Variants in ZNF804A observed in about 807,000 individuals in gnomAD.
The protein encoded by ZNF804A is zinc finger protein 804A.
In ZNF804A, 2 loss-of-function variants were observed where a neutral mutation model predicts 16.5. The observed-to-expected ratio is 0.12, with a 90% CI of 0.05 to 0.38. ZNF804A has a LOEUF of 0.38. Among genes scored for constraint, ZNF804A ranks in the 10% least tolerant of loss-of-function variants. The pLI is 0.99. For missense variants in ZNF804A, 1,473 were observed against 1,390.7 expected (o/e 1.06, Z -0.94); for synonymous variants, 534 against 489.6 (o/e 1.09, Z -1.20).
chr2:184,847,918 A>G (rs779343939), intron 1 of ZNF804A, among the ~76,000 whole-genome samples: 1 of 152,116 alleles, frequency 6.6e-6, no homozygotes, highest in Non-Finnish European at 1.5e-5. Context: ...AGAGATGCAC[A>G]GGGCAAAGTA....
chr2:184,684,522 T>C (rs754209035), intron 1 of ZNF804A, among the ~76,000 whole-genome samples: 110 of 152,202 alleles, frequency 7.2e-4, no homozygotes, highest in Non-Finnish European at 2.4e-4. Flanking sequence ...GAGAGAATAT[T>C]GTATATTTGC....
chr2:184,815,252 A>G (rs1278405517), intron 1 of ZNF804A, among the ~76,000 whole-genome samples: 1 of 151,936 alleles, frequency 6.6e-6, no homozygotes. Flanking sequence ...CTGTTAAAAA[A>G]AAACATAAAA....
At chr2:184,769,293 C>T (rs958117344) in intron 1 of ZNF804A, among the ~76,000 whole-genome samples, 8 of 151,964 alleles carry the variant, frequency 5.3e-5, no homozygotes, top group African/African-American at 1.9e-4. Context: ...AACAGGCTCC[C>T]GAGAACCTAC....
chr2:184,875,537 T>C lies in ZNF804A; in HGVS notation c.255+9025T>C, dbSNP rs562910504. On this transcript the variant is annotated intron_variant, in intron 2 of 3. Coordinates refer to ENST00000302277, the MANE Select transcript of ZNF804A (RefSeq NM_194250.2). ...AAGCAGATGCTGCCCTCATGTTTCT[T>C]GTACAGCCTGCAGAACTGTGAGCCA... Among the ~76,000 whole-genome samples the C allele has an allele frequency of 2.0e-5, 3 of 152,254 alleles. No individual in the cohort carries two copies. In the South Asian group the frequency reaches 6.2e-4, roughly 32 times the overall value.
At chr2:184,630,400 A>G (rs1691586766) in intron 1 of ZNF804A, among the ~76,000 whole-genome samples, 2 of 152,202 alleles carry the variant, frequency 1.3e-5, no homozygotes, top group African/African-American at 4.8e-5. Context: ...AATCTCAACT[A>G]AATCCTTCCT....
intron 1 of ZNF804A, among the ~76,000 whole-genome samples, chr2:184,851,837 G>C (rs1216731108): frequency 6.6e-6 from 1 of 151,608 alleles, no homozygotes; most frequent in African/African-American, 2.4e-5. Context: ...CTACATACTT[G>C]TCAACACTTG....
intron 2 of ZNF804A, among the ~76,000 whole-genome samples, chr2:184,891,652 G>A (rs1159336848): frequency 6.6e-6 from 1 of 152,082 alleles, no homozygotes; most frequent in Non-Finnish European, 1.5e-5. Flanking sequence ...TCAAAGCACA[G>A]TCCTATGTTC....
At chr2:184,867,011 A>G (rs535822846) in intron 2 of ZNF804A, among the ~76,000 whole-genome samples, 25 of 151,816 alleles carry the variant, frequency 1.6e-4, no homozygotes, top group Admixed American at 1.3e-3. Flanking sequence ...GTGTACTACA[A>G]ATGGTCCTAG....
At chr2:184,788,291 C>T (rs1694482978) in intron 1 of ZNF804A, among the ~76,000 whole-genome samples, 1 of 151,734 alleles carries the variant, frequency 6.6e-6, no homozygotes, top group Admixed American at 6.6e-5. Context: ...CAAATTTGTT[C>T]TTTTTGCTTT....
At chr2:184,612,438 T>C (rs1272379014) in intron 1 of ZNF804A, among the ~76,000 whole-genome samples, 1 of 150,104 alleles carries the variant, frequency 6.7e-6, no homozygotes, top group East Asian at 1.9e-4. Context: ...AGATGTAATT[T>C]TTTTTTTTTT....
At chr2:184,903,374 C>T (rs567373858) in intron 2 of ZNF804A, among the ~76,000 whole-genome samples, 30 of 152,178 alleles carry the variant, frequency 2.0e-4, no homozygotes, top group African/African-American at 6.3e-4. Context: ...TTTAAATACA[C>T]GTATACTTAC....
chr2:184,722,250 T>C (rs1438216573), intron 1 of ZNF804A, among the ~76,000 whole-genome samples: 1 of 152,068 alleles, frequency 6.6e-6, no homozygotes, highest in Admixed American at 6.6e-5. Flanking sequence ...ATTTAAGAGT[T>C]GCTTAGTAAT....
intron 1 of ZNF804A, among the ~76,000 whole-genome samples, chr2:184,638,123 C>T (rs536957168): frequency 1.3e-5 from 2 of 152,298 alleles, no homozygotes; most frequent in South Asian, 2.1e-4. Context: ...TCTGATCCTC[C>T]TCCTTGTGCA....
chr2:184,601,631 C>A (rs990512538), intron 1 of ZNF804A, among the ~76,000 whole-genome samples: 4 of 151,766 alleles, frequency 2.6e-5, no homozygotes, highest in South Asian at 2.1e-4. Context: ...ATTATGATAT[C>A]TTTCCAACTT....
At chr2:184,839,843 A>G (rs1558978253) in intron 1 of ZNF804A, among the ~76,000 whole-genome samples, 3 of 152,156 alleles carry the variant, frequency 2.0e-5, no homozygotes, top group African/African-American at 4.8e-5. Flanking sequence ...ATTAATTAAC[A>G]TTTATCAGTT....
rs186954404 is a variant in ZNF804A at position 184,608,437 on chromosome 2, C to A, written c.111+9367C>A. 1.6e-4 allele frequency among the ~76,000 whole-genome samples: 24 copies of A among 152,140 alleles called. No individual in the cohort carries two copies. The East Asian group carries it at 4.6e-3, about 29-fold the overall frequency. ...AAAGAGAAACAAAGTGGGGGTAGGG[C>A]TGTAATTGGTGGAAAAGCAGCTTTC... On this transcript the variant is annotated intron_variant, in intron 1 of 3. Coordinates refer to ENST00000302277, the MANE Select transcript of ZNF804A (RefSeq NM_194250.2).
At chr2:184,695,630 C>G (rs1692819775) in intron 1 of ZNF804A, among the ~76,000 whole-genome samples, 2 of 151,880 alleles carry the variant, frequency 1.3e-5, no homozygotes, top group Non-Finnish European at 2.9e-5. Flanking sequence ...ATTACCCGGG[C>G]TGGTCTTGAA....
chr2:184,643,506 C>T (rs1172672780), intron 1 of ZNF804A, among the ~76,000 whole-genome samples: 1 of 151,810 alleles, frequency 6.6e-6, no homozygotes, highest in Non-Finnish European at 1.5e-5. Flanking sequence ...TTACAGTATA[C>T]CTATAACTCA....
chr2:184,643,393 A>G (rs115361561), intron 1 of ZNF804A, among the ~76,000 whole-genome samples: 111 of 152,090 alleles, frequency 7.3e-4, no homozygotes, highest in African/African-American at 2.6e-3. Flanking sequence ...TCTCATAGTA[A>G]TGTTGTGAAG....
Sources: gnomAD v4.1 joint callset for allele counts (sites outside exome capture counted in the v4.1 genomes callset) on GRCh38, gnomAD v4.1.1 for gene constraint, MANE v1.5 for transcripts, NCBI Gene and HGNC (gene_info 2026-07-23, HGNC 2026-07-21) for gene names.